Variants in CRIM1 observed in about 807,000 individuals in gnomAD.
CRIM1 encodes the protein cysteine-rich motor neuron 1 protein.
Under a neutral mutation model 116.4 loss-of-function variants are expected in CRIM1, and 32 were observed. The observed-to-expected ratio is 0.27, with a 90% CI of 0.21 to 0.37. The LOEUF is 0.37. Ranked by LOEUF, CRIM1 falls within the 10% of genes least tolerant of loss-of-function variation. CRIM1 has a pLI of 1.00. For synonymous variants in CRIM1, 590 were observed against 509.2 expected, an observed-to-expected ratio of 1.16 and a Z score of -2.13; for missense variants, 1,331 against 1,354.8, an observed-to-expected ratio of 0.98 and a Z score of 0.28.
At chr2:36,517,633 C>A in intron 12 of CRIM1, 91 bp downstream of exon 12, 1 of 1,305,622 alleles carries the variant, frequency 7.7e-7, no homozygotes, top group Non-Finnish European at 1.1e-6. Flanking sequence ...CAGGATCAGC[C>A]CCATATGGGA....
intron 2 of CRIM1, among the ~76,000 whole-genome samples, chr2:36,434,434 A>C (rs911578085): frequency 6.6e-6 from 1 of 152,228 alleles, no homozygotes; most frequent in Non-Finnish European, 1.5e-5. Context: ...TGCTTTTGGC[A>C]TTATGGACGA....
chr2:36,457,461 G>T lies in CRIM1; in HGVS notation c.870-7073G>T, dbSNP rs568066966. 2.5e-4 allele frequency among the ~76,000 whole-genome samples: 38 copies of T among 152,312 alleles called. 1 individual carries two copies. The South Asian group carries it at 7.5e-3, about 30-fold the overall frequency. ...TGTACACAGGGGAGGGATGGCTGCG[G>T]GGGGAGAGTGTGATCCCCAGGGCAG... On this transcript the variant is annotated intron_variant, in intron 4 of 16. Transcript: ENST00000280527.
chr2:36,370,164 A>G (rs1362670487), intron 1 of CRIM1, among the ~76,000 whole-genome samples: 8 of 148,648 alleles, frequency 5.4e-5, no homozygotes, highest in Non-Finnish European at 1.2e-4. Context: ...GCTTCTGAAT[A>G]TTGCTGACTT....
chr2:36,443,668 C>G (rs1676027124), intron 4 of CRIM1, among the ~76,000 whole-genome samples: 3 of 152,156 alleles, frequency 2.0e-5, no homozygotes, highest in African/African-American at 7.2e-5. Flanking sequence ...GCATGAGTAC[C>G]TGTGATTATG....
At chr2:36,543,040 A>G (rs1667057428) in intron 14 of CRIM1, among the ~76,000 whole-genome samples, 2 of 152,164 alleles carry the variant, frequency 1.3e-5, no homozygotes, top group Non-Finnish European at 2.9e-5. Flanking sequence ...GCAGGGATGC[A>G]CTGAACCTGT....
In CRIM1 at chr2:36,505,174, T is replaced by C. The variant is rs36057827; in HGVS notation, c.1502-4809T>C. Among the ~76,000 whole-genome samples the C allele has an allele frequency of 6.5e-3, 993 of 152,326 alleles. 4 individuals are homozygous for C. The highest frequency in any genetic ancestry group is 0.014 in the Middle Eastern group (4 of 294). ...TGTAATGTTGCATTTCTTTACTTAG[T>C]AGTCTTGGGAACTTCATGGCCATCC... On this transcript the variant is annotated intron_variant, in intron 8 of 16. Coordinates refer to ENST00000280527, the MANE Select transcript of CRIM1 (RefSeq NM_016441.3).
chr2:36,443,342 C>T (rs1029699902), intron 4 of CRIM1, among the ~76,000 whole-genome samples: 2 of 152,112 alleles, frequency 1.3e-5, no homozygotes, highest in South Asian at 2.1e-4. Flanking sequence ...TGAGGATCTC[C>T]GGGTCCTGTC....
intron 1 of CRIM1, among the ~76,000 whole-genome samples, chr2:36,378,146 G>A (rs1261727649): frequency 1.3e-5 from 2 of 152,240 alleles, no homozygotes; most frequent in Admixed American, 6.5e-5. Context: ...CGATAGATGG[G>A]TAGATAGATG....
rs951183003 is a variant in CRIM1, at chr2:36,464,737, C to T, written c.991+82C>T. On this transcript the variant is annotated intron_variant, in intron 5 of 16. Coordinates refer to ENST00000280527, the MANE Select transcript of CRIM1 (RefSeq NM_016441.3). Reference sequence around the variant, plus strand: ...GGAGGGTTCAACTTAGCTGCTTCTGCCTTTTACAAAGCAGGGATTACCTTC... The same window carrying T: ...GGAGGGTTCAACTTAGCTGCTTCTGTCTTTTACAAAGCAGGGATTACCTTC... 6 of 1,534,464 alleles carry T rather than the reference C, an allele frequency of 3.9e-6. No individual in the cohort carries two copies. In the African/African-American group the frequency reaches 8.2e-5, roughly 21 times the overall value.
chr2:36,440,147 G>T (rs185107175), intron 2 of CRIM1, among the ~76,000 whole-genome samples: 4 of 152,244 alleles, frequency 2.6e-5, no homozygotes, highest in Admixed American at 2.6e-4. Flanking sequence ...AGGTGACCTG[G>T]ATTCTTGCTT....
At chr2:36,455,295 T>G (rs1162099491) in intron 4 of CRIM1, among the ~76,000 whole-genome samples, 2 of 152,178 alleles carry the variant, frequency 1.3e-5, no homozygotes, top group Non-Finnish European at 2.9e-5. Flanking sequence ...CCTCTCAGAT[T>G]ATAATCATAT....
At chr2:36,492,699 G>C (rs909721711) in intron 7 of CRIM1, among the ~76,000 whole-genome samples, 1 of 152,082 alleles carries the variant, frequency 6.6e-6, no homozygotes, top group Non-Finnish European at 1.5e-5. Flanking sequence ...ATGCTGTCTT[G>C]GCCAGCCTTA....
At chr2:36,382,340 G>T (rs1032285144) in intron 1 of CRIM1, among the ~76,000 whole-genome samples, 1 of 152,240 alleles carries the variant, frequency 6.6e-6, no homozygotes, top group African/African-American at 2.4e-5. Flanking sequence ...AGTGGAAAGC[G>T]ATCCTAACTG....
intron 13 of CRIM1, among the ~76,000 whole-genome samples, chr2:36,536,351 C>G (rs2125165842): frequency 8.3e-6 from 1 of 120,688 alleles, no homozygotes; most frequent in African/African-American, 3.3e-5. Context: ...AGGAACTTTC[C>G]TTCTAGATGC....
chr2:36,424,635 C>G (rs926166361), intron 2 of CRIM1, among the ~76,000 whole-genome samples: 7 of 152,176 alleles, frequency 4.6e-5, no homozygotes, highest in Non-Finnish European at 8.8e-5. Context: ...CTCCCAACAT[C>G]CTCACTTTAC....
intron 7 of CRIM1, among the ~76,000 whole-genome samples, chr2:36,498,183 AAC>A (rs1680737140): frequency 6.6e-6 from 1 of 152,178 alleles, no homozygotes; most frequent in Non-Finnish European, 1.5e-5. Context: ...TCCCTTTGGC[AAC>A]ACCGTTCCCA....
chr2:36,486,670 A>C (rs980418095), intron 7 of CRIM1, among the ~76,000 whole-genome samples: 1 of 152,056 alleles, frequency 6.6e-6, no homozygotes, highest in African/African-American at 2.4e-5. Flanking sequence ...CCATACCTAA[A>C]AGGGTATTAT....
chr2:36,421,485 C>G (rs1674062019), intron 2 of CRIM1, among the ~76,000 whole-genome samples: 2 of 152,162 alleles, frequency 1.3e-5, no homozygotes, highest in Admixed American at 1.3e-4. Flanking sequence ...AGTTTAAACT[C>G]AAATTCTTAC....
Position 36,356,589 on chromosome 2 carries a change from C to G in CRIM1, c.297C>G (p.Asp99Glu). ...TCATCCGCCCCCCGCTCAATGGCGA[C>G]TCCCTCACCGAGTACGAAGCGGGCG... Reference protein sequence around the residue: ...RCVIRPPLNGDSLTEYEAGVC... With the variant: ...RCVIRPPLNGESLTEYEAGVC... Residue 99 changes from aspartate to glutamate, a missense_variant, in exon 1 of 17, where the codon GAC becomes GAG. Asp to Glu is a conservative substitution (Grantham distance 45, BLOSUM62 2). Around this residue, in one of 3 missense-constraint regions of CRIM1, gnomAD observed 690 missense variants for 676.0 expected, o/e 1.02. Coordinates refer to ENST00000280527, the MANE Select transcript of CRIM1 (RefSeq NM_016441.3). The surrounding 1 kb of genome is among the most constrained non-coding windows in gnomAD (Gnocchi z 4.3). 1 of 1,611,672 alleles carries G rather than the reference C, an allele frequency of 6.2e-7. No homozygotes were observed. Among genetic ancestry groups the G allele is most frequent in the South Asian group, 1.1e-5 (1 of 91,048 alleles).
Sources: allele counts gnomAD v4.1 joint callset (sites outside exome capture counted in the v4.1 genomes callset), GRCh38; gene constraint gnomAD v4.1.1; regional missense constraint gnomAD v4.1.1; non-coding constraint Gnocchi (gnomAD v3.1); transcripts MANE v1.5; gene names NCBI Gene and HGNC (gene_info 2026-07-23, HGNC 2026-07-21).